The following POM121 variants were observed in gnomAD, a reference collection of about 807,000 sequenced individuals.
The protein encoded by POM121 is POM121 transmembrane nucleoporin.
In POM121, 32 loss-of-function variants were observed where a neutral mutation model predicts 81.3. The ratio of observed to expected loss-of-function variants is 0.39; its 90% confidence interval spans 0.30 to 0.53. The LOEUF (loss-of-function observed/expected upper bound fraction) is 0.53, where lower values mean the gene tolerates loss of function less well. Among genes scored for constraint, POM121 ranks in the 20% least tolerant of loss-of-function variants. The pLI, the probability that POM121 is intolerant of heterozygous loss-of-function variation, is 0.66. For missense variants in POM121, 1,138 were observed against 1,614.6 expected (o/e 0.70, Z 5.06); for synonymous variants, 514 against 694.2 (o/e 0.74, Z 4.08).
chr7:72,949,372 A>T, downstream of POM121: 1 of 875,878 alleles, frequency 1.1e-6, no homozygotes. Flanking sequence ...GCGCGGATCT[A>T]AGGGGGAGAC....
exon 2 of POM121, chr7:72,890,674 G>A: frequency 4.4e-6 from 7 of 1,601,676 alleles, no homozygotes; most frequent in Non-Finnish European, 6.0e-6. Context: ...CCCAGGAGGA[G>A]TGGTGGCAAC....
chr7:72,945,857 T>C, intron 12 of POM121, 149 bp downstream of exon 12: 2 of 1,415,204 alleles, frequency 1.4e-6, no homozygotes, highest in Non-Finnish European at 1.9e-6. Flanking sequence ...AACCCAGGGA[T>C]GGGAGTTGGA....
intron 3 of POM121, among the ~76,000 whole-genome samples, chr7:72,903,578 G>A (rs1792927165): frequency 6.6e-6 from 1 of 152,094 alleles, no homozygotes; most frequent in Admixed American, 6.6e-5. Flanking sequence ...TGCAAAGTTT[G>A]TCTTCTTTTA....
intron 1 of POM121, among the ~76,000 whole-genome samples, chr7:72,886,878 CA>C (rs1272298156): frequency 1.3e-5 from 2 of 150,868 alleles, no homozygotes; most frequent in African/African-American, 2.4e-5. Flanking sequence ...GTCATGGTAT[CA>C]TTTTTTTCAT....
intron 3 of POM121, among the ~76,000 whole-genome samples, chr7:72,893,983 A>G (rs1465383822): frequency 2.0e-5 from 3 of 152,028 alleles, no homozygotes; most frequent in African/African-American, 4.8e-5. Context: ...TTAAGAGACA[A>G]GGTCTCGGCC....
chr7:72,885,840 T>G (rs1478222846), intron 1 of POM121, among the ~76,000 whole-genome samples: 4 of 151,156 alleles, frequency 2.6e-5, no homozygotes, highest in African/African-American at 9.8e-5. Context: ...TCTTCTTTGT[T>G]TCTTTTTAAA....
chr7:72,934,819 A>G (rs1286919739), intron 5 of POM121, among the ~76,000 whole-genome samples: 1 of 151,872 alleles, frequency 6.6e-6, no homozygotes, highest in Non-Finnish European at 1.5e-5. Context: ...GTCTTTGTCT[A>G]ATTTAAGTGT....
At chr7:72,927,061 T>A in intron 3 of POM121, 98 bp downstream of exon 3, 1 of 1,583,118 alleles carries the variant, frequency 6.3e-7, no homozygotes, top group South Asian at 1.1e-5. Flanking sequence ...CATCTCCAGT[T>A]TATGAGCCTT....
At chr7:72,915,677 T>C (rs2129576688) in intron 4 of POM121, among the ~76,000 whole-genome samples, 1 of 152,054 alleles carries the variant, frequency 6.6e-6, no homozygotes, top group Non-Finnish European at 1.5e-5. Context: ...GCCCAAGCTT[T>C]TTGTTTGTGT....
Position 72,943,498 on chromosome 7 carries a change from A to C in POM121, c.3505A>C (p.Thr1169Pro). 6.2e-7 allele frequency: 1 copy of C among 1,612,368 alleles called. No individual in the cohort carries two copies. ...GTTTGCCTTCAACGTGAGCAGCACA[A>C]CTGAGAGCAAACCTGTGTTTGGAGG... ...TPFAFNVSSTTESKPVFGGTA... is the reference protein window; with the variant it reads ...TPFAFNVSSTPESKPVFGGTA... The change falls in exon 11 of 13, where the codon ACT (threonine) becomes CCT (proline). Residue 1169 changes from threonine (T) to proline (P), a missense_variant. Physicochemically the swap from Thr to Pro is conservative, Grantham distance 38. Transcript: ENST00000434423.
chr7:72,947,148 T>A lies in POM121; in HGVS notation c.*914T>A. The A allele has an allele frequency of 1.8e-5, 9 of 513,314 alleles. 3 individuals are homozygous for A. The highest frequency in any genetic ancestry group is 2.1e-5 in the Non-Finnish European group (9 of 429,366). The allele number at this position is 513,314 out of a possible 1,614,324, so 31.8% of individuals were successfully genotyped here. A position where few individuals can be genotyped will look rare whatever the true frequency, so the allele number is the denominator to read the frequency against. On this transcript the variant is annotated 3_prime_UTR_variant, in exon 13 of 13. Coordinates refer to ENST00000434423, the MANE Select transcript of POM121 (RefSeq NM_001387691.1). ...CGAGTTTGGAGGAAGAGTTGAGTTG[T>A]ATGAGTGGCGGCATGTTGGTAGTGC...
intron 1 of POM121, among the ~76,000 whole-genome samples, chr7:72,882,689 A>T (rs1167653050): frequency 6.6e-6 from 1 of 152,184 alleles, no homozygotes; most frequent in African/African-American, 2.4e-5. Flanking sequence ...TGACGTGATC[A>T]TCCGTCAAAT....
intron 8 of POM121, 21 bp from the exon 9 acceptor site, chr7:72,940,390 ACTT>A (rs1472560328): frequency 6.2e-5 from 36 of 576,800 alleles, no homozygotes; most frequent in East Asian, 2.6e-4. Flanking sequence ...GATTGGCCTG[ACTT>A]CTTCTTTTTC....
At chr7:72,908,363 G>A (rs541379036) in intron 3 of POM121, among the ~76,000 whole-genome samples, 7 of 152,304 alleles carry the variant, frequency 4.6e-5, no homozygotes, top group African/African-American at 1.4e-4. Flanking sequence ...CAAAAGGGGA[G>A]GGAGTCTATG....
At chr7:72,894,885 T>A (rs1301438103) in intron 3 of POM121, among the ~76,000 whole-genome samples, 1 of 152,146 alleles carries the variant, frequency 6.6e-6, no homozygotes, top group Non-Finnish European at 1.5e-5. Context: ...TGGAGTGCTG[T>A]GGTGTGATCA....
At chr7:72,930,195 A>G (rs1322007385) in intron 5 of POM121, 84 bp downstream of exon 5, 5 of 1,475,998 alleles carry the variant, frequency 3.4e-6, no homozygotes, top group South Asian at 2.9e-5. Context: ...TAGCTTAGCC[A>G]TGTAATCCCA....
At chr7:72,928,307 C>A in intron 3 of POM121, 78 bp from the exon 4 acceptor site, 2 of 1,567,058 alleles carry the variant, frequency 1.3e-6, no homozygotes, top group South Asian at 1.1e-5. Context: ...AGTATAAGGT[C>A]CCAGAAATAT....
intron 12 of POM121, 121 bp downstream of exon 12, chr7:72,945,829 G>T (rs1416402175): frequency 2.4e-5 from 35 of 1,459,418 alleles, no homozygotes; most frequent in Non-Finnish European, 3.0e-5. Context: ...AAGACATTTC[G>T]GGTTAGGAGT....
chr7:72,908,374 A>G (rs1295899692), intron 3 of POM121, among the ~76,000 whole-genome samples: 11 of 152,178 alleles, frequency 7.2e-5, no homozygotes, highest in Non-Finnish European at 1.6e-4. Context: ...GGAGTCTATG[A>G]CTAGGGTGTG....
Sources: gnomAD v4.1 joint callset for allele counts (sites outside exome capture counted in the v4.1 genomes callset) on GRCh38, gnomAD v4.1.1 for gene constraint, MANE v1.5 for transcripts, NCBI Gene and HGNC (gene_info 2026-07-23, HGNC 2026-07-21) for gene names.